Variants in VIT observed in about 807,000 individuals in gnomAD.
VIT encodes vitrin.
VIT carries 99 observed loss-of-function variants against 78.0 expected under a neutral mutation model. The ratio of observed to expected loss-of-function variants is 1.27; its 90% CI spans 1.08 to 1.50. The LOEUF is 1.50. Ranked by LOEUF, VIT falls within the 40% of genes most tolerant of loss-of-function variation. The probability of loss-of-function intolerance (pLI) is 0.00; values close to 1 mark genes in which losing one functional copy is unlikely to be tolerated. For synonymous variants in VIT, 374 were observed against 334.3 expected, an observed-to-expected ratio of 1.12 and a Z score of -1.29; for missense variants, 1,126 against 875.3, an observed-to-expected ratio of 1.29 and a Z score of -3.61.
chr2:36,725,479 T>C (rs1014207739), intron 2 of VIT, among the ~76,000 whole-genome samples: 2 of 151,556 alleles, frequency 1.3e-5, no homozygotes, highest in African/African-American at 2.4e-5. Flanking sequence ...GGGCCCCTTT[T>C]ATAAGGGCAC....
intron 14 of VIT, 25 bp from the exon 15 acceptor site, chr2:36,808,447 T>G: frequency 6.3e-7 from 1 of 1,579,016 alleles, no homozygotes; most frequent in South Asian, 1.2e-5. Context: ...TGACGTGGCG[T>G]GGGTCCCTCC....
At chr2:36,738,439 TC>T (rs35608380) in intron 3 of VIT, among the ~76,000 whole-genome samples, 46,921 of 152,070 alleles carry the variant, frequency 0.31, 8,967 homozygotes, top group Non-Finnish European at 0.42. Flanking sequence ...TATATTAGGG[TC>T]CTTTGTAAAC....
intron 2 of VIT, among the ~76,000 whole-genome samples, chr2:36,718,660 C>T (rs1179453675): frequency 1.3e-5 from 2 of 152,156 alleles, no homozygotes; most frequent in African/African-American, 4.8e-5. Context: ...GCACTATTCC[C>T]TGGCTCCTGT....
chr2:36,805,450 C>G lies in VIT; in HGVS notation c.1175C>G (p.Ser392Cys). The change falls in exon 14 of 16, where the codon TCC becomes TGC. Residue 392 changes from serine to cysteine, a missense_variant. By Grantham distance (112) the Ser-to-Cys change is moderately radical. Coordinates refer to ENST00000379242, the MANE Select transcript of VIT (RefSeq NM_053276.4). ...CTTTTTCTTCCAGGTCGGGCCATCT[C>G]CTTTGTGACCAAGAACTTCTTTTCC... ...GGLSNVGRAISFVTKNFFSKA... is the reference protein window; with the variant it reads ...GGLSNVGRAICFVTKNFFSKA... 1 of 1,611,116 alleles carries G rather than the reference C, an allele frequency of 6.2e-7. No homozygotes were observed. The highest frequency in any genetic ancestry group is 8.5e-7 in the Non-Finnish European group (1 of 1,178,554).
chr2:36,783,138 A>T (rs1484091645), intron 10 of VIT, among the ~76,000 whole-genome samples: 4 of 152,234 alleles, frequency 2.6e-5, no homozygotes, highest in African/African-American at 9.6e-5. Flanking sequence ...ATCCCCCAGC[A>T]GAGTACTATG....
At chr2:36,705,786 A>G (rs1014543020) in intron 1 of VIT, among the ~76,000 whole-genome samples, 1 of 152,238 alleles carries the variant, frequency 6.6e-6, no homozygotes, top group African/African-American at 2.4e-5. Context: ...TCATAAATAC[A>G]TCGAGAAATA....
intron 2 of VIT, among the ~76,000 whole-genome samples, chr2:36,726,717 G>A (rs1666869423): frequency 6.6e-6 from 1 of 151,162 alleles, no homozygotes; most frequent in South Asian, 2.1e-4. Flanking sequence ...TACTCAGGAG[G>A]CTGAGGTAGG....
intron 1 of VIT, among the ~76,000 whole-genome samples, chr2:36,714,271 A>G (rs7564021): frequency 0.014 from 2,188 of 152,314 alleles, 54 homozygotes; most frequent in African/African-American, 0.05. Context: ...ATAAATATGC[A>G]TAGCAGTGTA....
intron 1 of VIT, among the ~76,000 whole-genome samples, chr2:36,713,659 G>T (rs1665947381): frequency 6.6e-6 from 1 of 152,204 alleles, no homozygotes; most frequent in African/African-American, 2.4e-5. Flanking sequence ...CATTGGTAAT[G>T]CTGAGATGCT....
At chr2:36,763,445 T>A (rs1409401621) in intron 6 of VIT, among the ~76,000 whole-genome samples, 1 of 152,170 alleles carries the variant, frequency 6.6e-6, no homozygotes, top group Non-Finnish European at 1.5e-5. Flanking sequence ...GAAGAAACTA[T>A]TTTACTAGTT....
intron 3 of VIT, among the ~76,000 whole-genome samples, chr2:36,730,875 A>G: frequency 6.6e-6 from 1 of 152,230 alleles, no homozygotes; most frequent in East Asian, 1.9e-4. Flanking sequence ...AATGGGGAGT[A>G]CGTGCTGATT....
chr2:36,781,824 AG>A, intron 10 of VIT, 53 bp downstream of exon 10: 1 of 1,600,360 alleles, frequency 6.2e-7, no homozygotes, highest in Non-Finnish European at 8.6e-7. Context: ...TGCGCAGGAT[AG>A]CAGAACTAAG....
intron 2 of VIT, among the ~76,000 whole-genome samples, chr2:36,726,639 G>A (rs1345019708): frequency 6.6e-6 from 1 of 151,892 alleles, no homozygotes; most frequent in Non-Finnish European, 1.5e-5. Context: ...CCAACATGGA[G>A]AAAACCCCAT....
rs938760220 is a variant in VIT, at chr2:36,808,635, C to G, written c.1553C>G (p.Ser518Cys). The change falls in exon 15 of 16, where the codon TCC becomes TGC. Residue 518 changes from serine to cysteine, a missense_variant. Transcript: ENST00000379242. Reference protein sequence around the residue: ...SADIGFVIDGSSSVGTGNFRT... With the variant: ...SADIGFVIDGCSSVGTGNFRT... Reference sequence around the variant, plus strand: ...GACATTGGCTTCGTCATCGACGGCTCCAGCAGTGTGGGGACGGGCAACTTC... The same window carrying G: ...GACATTGGCTTCGTCATCGACGGCTGCAGCAGTGTGGGGACGGGCAACTTC... The G allele has an allele frequency of 1.9e-6, 3 of 1,614,108 alleles. No homozygotes were observed. The highest frequency in any genetic ancestry group is 1.3e-5 in the African/African-American group (1 of 74,942).
Position 36,743,002 on chromosome 2 carries a change from C to G in VIT, c.119-98C>G. The stretch of plus-strand genomic sequence containing the variant: ...GATGTAGAGTCGGCCCAGGCTCTGG[C>G]TTTTAGAGATTAAGTCAATAGTTGA... On this transcript the variant is annotated intron_variant, in intron 3 of 15. Coordinates refer to ENST00000379242, the MANE Select transcript of VIT (RefSeq NM_053276.4). 2.7e-6 allele frequency: 4 copies of G among 1,506,684 alleles called. No homozygotes were observed. The South Asian group carries it at 5.1e-5, about 19-fold the overall frequency. 93.3% of individuals were successfully genotyped at this position (1,506,684 alleles called of 1,614,324 possible).
chr2:36,771,785 A>C (rs1236130019), intron 7 of VIT, among the ~76,000 whole-genome samples: 4 of 152,188 alleles, frequency 2.6e-5, no homozygotes, highest in Admixed American at 6.5e-5. Flanking sequence ...CTTATTTATC[A>C]CTAGAAGAAT....
In VIT at chr2:36,729,450, C is replaced by G. The variant is rs1445580176; in HGVS notation, c.77C>G (p.Ser26Ter). ...GTTTTGCTGGTGACTGGAGTACATTCAAACAAAGAAACGGCAAAGAAGATT... is the reference window on the plus strand; with the variant it reads ...GTTTTGCTGGTGACTGGAGTACATTGAAACAAAGAAACGGCAAAGAAGATT... ...FLVLLVTGVH[S>*]NKETAKKIKR... is the part of the protein sequence containing the mutation. The change falls in exon 3 of 16, where the codon TCA (serine) becomes TGA (stop). Residue 26 changes from serine (S) to a stop codon, truncating the protein, a stop_gained. Coordinates refer to ENST00000379242, the MANE Select transcript of VIT (RefSeq NM_053276.4). LOFTEE classifies it high-confidence loss of function. 6.2e-7 allele frequency: 1 copy of G among 1,608,182 alleles called. No homozygotes were observed. Among genetic ancestry groups the G allele is most frequent in the Admixed American group, 1.7e-5 (1 of 59,604 alleles).
In VIT at chr2:36,808,582, C is replaced by T; in HGVS notation, c.1500C>T (p.Ala500=). Residue 500 remains alanine, a synonymous_variant, in exon 15 of 16, where the codon GCC becomes GCT. Coordinates refer to ENST00000379242, the MANE Select transcript of VIT (RefSeq NM_053276.4). ...VKRVCDTDRL[A]CSKTCLNSAD... The stretch of plus-strand genomic sequence containing the variant: ...GGGTCTGCGACACTGACCGCCTGGC[C>T]TGCAGCAAGACCTGCTTGAACTCGG... 1.2e-6 allele frequency: 2 copies of T among 1,614,210 alleles called. No homozygotes were observed. The highest frequency in any genetic ancestry group is 2.2e-5 in the East Asian group (1 of 44,882).
chr2:36,764,983 A>T (rs1024447366), intron 6 of VIT, among the ~76,000 whole-genome samples: 12 of 151,916 alleles, frequency 7.9e-5, no homozygotes, highest in African/African-American at 2.9e-4. Flanking sequence ...ATCAACCCCA[A>T]GCAGAGTTAA....
Sources: allele counts gnomAD v4.1 joint callset (sites outside exome capture counted in the v4.1 genomes callset), GRCh38; gene constraint gnomAD v4.1.1; transcripts MANE v1.5; gene names NCBI Gene and HGNC (gene_info 2026-07-23, HGNC 2026-07-21).